RBM4: variants seen among roughly 807,000 people sequenced by gnomAD.
The protein encoded by RBM4 is RNA binding motif protein 4.
RBM4 carries 7 observed loss-of-function variants against 29.5 expected under a neutral mutation model. The observed-to-expected ratio is 0.24, with a 90% CI of 0.14 to 0.45. The LOEUF (loss-of-function observed/expected upper bound fraction) is 0.45, where lower values mean the gene tolerates loss of function less well. Ranked by LOEUF, RBM4 falls within the 20% of genes least tolerant of loss-of-function variation. The pLI, the probability that RBM4 is intolerant of heterozygous loss-of-function variation, is 1.00. For synonymous variants in RBM4, 220 were observed against 205.4 expected (o/e 1.07, Z -0.61); for missense variants, 387 against 502.3 (o/e 0.77, Z 2.19).
chr11:66,642,129 T>TG (rs1234440553), intron 2 of RBM4, among the ~76,000 whole-genome samples: 1 of 152,268 alleles, frequency 6.6e-6, no homozygotes, highest in Admixed American at 6.5e-5. Context: ...CTTCCAGCTG[T>TG]GTAGACCTCC....
chr11:66,664,153 G>GCAC (rs1418254360), intron 2 of RBM4, among the ~76,000 whole-genome samples: 1 of 149,276 alleles, frequency 6.7e-6, no homozygotes, highest in Admixed American at 6.7e-5. Flanking sequence ...TTACAGGCAT[G>GCAC]CACCACCATG....
At chr11:66,659,282 T>TC (rs1443777554) in intron 2 of RBM4, among the ~76,000 whole-genome samples, 1 of 141,570 alleles carries the variant, frequency 7.1e-6, no homozygotes, top group African/African-American at 2.6e-5. Flanking sequence ...TTTTTTTTTT[T>TC]TTTTTTGAGA....
At chr11:66,659,250 T>C (rs1939025947) in intron 2 of RBM4, among the ~76,000 whole-genome samples, 1 of 149,382 alleles carries the variant, frequency 6.7e-6, no homozygotes, top group African/African-American at 2.5e-5. Context: ...CTAGCTGACA[T>C]TTCTTCTTGG....
chr11:66,640,093 A>G lies in RBM4; in HGVS notation c.382A>G (p.Ile128Val), dbSNP rs1289575966. The G allele has an allele frequency of 6.2e-7, 1 of 1,614,110 alleles. No individual in the cohort carries two copies. Among genetic ancestry groups the G allele is most frequent in the Non-Finnish European group, 8.5e-7 (1 of 1,180,048 alleles). The change falls in exon 2 of 4, where the codon ATC becomes GTC. Residue 128 changes from isoleucine (I) to valine (V), a missense_variant. By Grantham distance (29) the Ile-to-Val change is conservative. This residue lies in a region of RBM4 where 106 missense variants were observed against 213.6 expected (regional missense o/e 0.50). Transcript: ENST00000310092. ...GCGGGCAGAGGATGCAGTGGAGGCC[A>G]TCAGGGGCCTTGATAACACAGAGTT... Reference protein sequence around the residue: ...MERAEDAVEAIRGLDNTEFQG... With the variant: ...MERAEDAVEAVRGLDNTEFQG...
chr11:66,664,152 T>G (rs1379339710), intron 2 of RBM4, among the ~76,000 whole-genome samples: 1 of 149,652 alleles, frequency 6.7e-6, no homozygotes, highest in East Asian at 2.0e-4. Context: ...ATTACAGGCA[T>G]GCACCACCAT....
chr11:66,656,272 G>A, intron 2 of RBM4, among the ~76,000 whole-genome samples: 1 of 152,130 alleles, frequency 6.6e-6, no homozygotes, highest in African/African-American at 2.4e-5. Context: ...AAGTAGCTGG[G>A]ACTACAGGCA....
intron 2 of RBM4, among the ~76,000 whole-genome samples, chr11:66,661,434 TAGGAC>T (rs1939081547): frequency 6.6e-6 from 1 of 152,176 alleles, no homozygotes; most frequent in Non-Finnish European, 1.5e-5. Context: ...TTTCTGCCCT[TAGGAC>T]AAGTTTCTAA....
downstream of RBM4, among the ~76,000 whole-genome samples, chr11:66,647,019 T>G (rs748116189): frequency 6.6e-6 from 1 of 152,226 alleles, no homozygotes; most frequent in Non-Finnish European, 1.5e-5. Context: ...TTACTTGGGT[T>G]TACAGCCTTT....
intron 2 of RBM4, chr11:66,640,485 G>A (rs867759444): frequency 2.3e-6 from 1 of 440,240 alleles, no homozygotes; most frequent in African/African-American, 2.0e-5. Context: ...ATTGCCCTCA[G>A]CACAGGATCA....
Position 66,646,033 on chromosome 11 carries a change from T to C in RBM4, c.*15T>C. 6.5e-7 allele frequency: 1 copy of C among 1,536,162 alleles called. No homozygotes were observed. The highest frequency in any genetic ancestry group is 8.7e-7 in the Non-Finnish European group (1 of 1,146,918). On this transcript the variant is annotated 3_prime_UTR_variant, in exon 4 of 4. Transcript: ENST00000310092. Reference sequence around the variant, plus strand: ...GTATTGTGCTCTCTTTCAGGTGGGATGTGTGTGGGCTGAAATTCCGAGCTG... The same window carrying C: ...GTATTGTGCTCTCTTTCAGGTGGGACGTGTGTGGGCTGAAATTCCGAGCTG...
intron 2 of RBM4, among the ~76,000 whole-genome samples, chr11:66,641,397 C>T (rs550820637): frequency 3.9e-5 from 6 of 152,138 alleles, no homozygotes; most frequent in Non-Finnish European, 8.8e-5. Flanking sequence ...CATTGCTGTG[C>T]GTTAGTAAAG....
chr11:66,658,818 T>A (rs1369483037), intron 2 of RBM4, among the ~76,000 whole-genome samples: 1 of 151,638 alleles, frequency 6.6e-6, no homozygotes. Context: ...GTGCCTGTAG[T>A]CCCAGCTTCT....
exon 3 of RBM4, chr11:66,666,023 G>C (rs954736434): frequency 4.1e-5 from 56 of 1,379,828 alleles, no homozygotes; most frequent in Middle Eastern, 3.6e-4. Context: ...ATCTTTCACA[G>C]TAAACAAGCT....
Position 66,654,155 on chromosome 11 carries a change from C to T in RBM4, c.413-11701C>T, listed in dbSNP as rs512207. Among the ~76,000 whole-genome samples the T allele has an allele frequency of 4.3e-3, 651 of 152,276 alleles. 4 individuals are homozygous for T. Among genetic ancestry groups the T allele is most frequent in the African/African-American group, 0.015 (614 of 41,560 alleles). ...TCCTCCCGTCTCAGCCTCCCAAGTA[C>T]TTAGGACTACAGGCATATGCCACCA... On this transcript the variant is annotated intron_variant, in intron 2 of 2. Transcript: ENST00000396053.
At chr11:66,649,825 C>T, downstream of RBM4, 1 of 692,486 alleles carries the variant, frequency 1.4e-6, no homozygotes, top group African/African-American at 1.8e-5. Flanking sequence ...GATCCTCCCG[C>T]CTTGGCCTCC....
At chr11:66,658,026 TA>T (rs967259137) in intron 2 of RBM4, among the ~76,000 whole-genome samples, 6 of 145,346 alleles carry the variant, frequency 4.1e-5, no homozygotes, top group African/African-American at 1.3e-4. Flanking sequence ...GACCCTTTTT[TA>T]AAATTTTTTT....
At chr11:66,655,415 G>A (rs1938929645) in intron 2 of RBM4, among the ~76,000 whole-genome samples, 1 of 151,450 alleles carries the variant, frequency 6.6e-6, no homozygotes, top group Admixed American at 6.6e-5. Context: ...CCAGCCTCCC[G>A]AGTAGCTGAG....
At chr11:66,651,539 A>G (rs1275428675) in intron 2 of RBM4, among the ~76,000 whole-genome samples, 2 of 151,910 alleles carry the variant, frequency 1.3e-5, no homozygotes, top group Non-Finnish European at 2.9e-5. Flanking sequence ...TAGTAGAGAC[A>G]GGGTTTCACC....
At chr11:66,652,948 G>C (rs1938864150) in intron 2 of RBM4, among the ~76,000 whole-genome samples, 1 of 152,270 alleles carries the variant, frequency 6.6e-6, no homozygotes, top group South Asian at 2.1e-4. Flanking sequence ...TGAGTGAATT[G>C]AGCATTGTAT....
Sources: allele counts gnomAD v4.1 joint callset (sites outside exome capture counted in the v4.1 genomes callset), GRCh38; gene constraint gnomAD v4.1.1; regional missense constraint gnomAD v4.1.1; transcripts MANE v1.5; gene names NCBI Gene and HGNC (gene_info 2026-07-23, HGNC 2026-07-21).